Variants in TENM4 observed in about 807,000 individuals in gnomAD.
TENM4 encodes teneurin transmembrane protein 4.
In TENM4, 82 loss-of-function variants were observed where a neutral mutation model predicts 243.3. The ratio of observed to expected loss-of-function variants is 0.34; its 90% CI spans 0.28 to 0.40. The LOEUF is 0.40. TENM4 is among the 10% of genes least tolerant of loss of function. The probability of loss-of-function intolerance (pLI) is 1.00; values close to 1 mark genes in which losing one functional copy is unlikely to be tolerated. For synonymous variants in TENM4, 1,412 were observed against 1,456.3 expected, an observed-to-expected ratio of 0.97 and a Z score of 0.69; for missense variants, 3,138 against 3,673.3, an observed-to-expected ratio of 0.85 and a Z score of 3.77.
At chr11:79,259,594 C>T (rs892679769) in intron 2 of TENM4, among the ~76,000 whole-genome samples, 3 of 151,522 alleles carry the variant, frequency 2.0e-5, no homozygotes, top group African/African-American at 7.3e-5. Flanking sequence ...TCCACTCATC[C>T]ATCCACCTAT....
intron 6 of TENM4, among the ~76,000 whole-genome samples, chr11:79,032,904 C>G (rs1374456898): frequency 6.6e-6 from 1 of 152,120 alleles, no homozygotes; most frequent in Non-Finnish European, 1.5e-5. Context: ...AGTTGTTATT[C>G]ACTTGTCCAG....
In TENM4 at chr11:79,440,856, T is replaced by C. The variant is rs1365311994; in HGVS notation, c.-668A>G. The C allele has an allele frequency of 4.1e-5, 5 of 122,052 alleles. No individual in the cohort carries two copies. The highest frequency in any genetic ancestry group is 2.7e-4 in the South Asian group (1 of 3,644). 7.6% of individuals were successfully genotyped at this position (122,052 alleles called of 1,614,324 possible). ...TGGGGCGGGTGTGTGCGCGCGCGTG[T>C]GTGAGTGTGTGTGTGTGTGTGTGTG... On this transcript the variant is annotated 5_prime_UTR_variant, in exon 1 of 34. Transcript: ENST00000278550. The surrounding 1 kb of genome is among the most constrained non-coding windows in gnomAD (Gnocchi z 4.7).
chr11:78,766,845 G>C (rs141134274), intron 18 of TENM4, among the ~76,000 whole-genome samples: 1,909 of 151,740 alleles, frequency 0.013, 49 homozygotes, highest in African/African-American at 0.044. Context: ...TGGGATTACA[G>C]GTGCGCCCCA....
At chr11:79,191,731 G>T in intron 3 of TENM4, 1 of 183,944 alleles carries the variant, frequency 5.4e-6, no homozygotes, top group Non-Finnish European at 1.1e-5. Flanking sequence ...GAGCGCCTCT[G>T]CCCCGCCGCC....
intron 1 of TENM4, among the ~76,000 whole-genome samples, chr11:79,352,291 A>C: frequency 6.6e-6 from 1 of 152,232 alleles, no homozygotes; most frequent in East Asian, 1.9e-4. Context: ...ACTGCCAGCC[A>C]GCTCTTGGTT....
chr11:78,911,292 G>A (rs1462992217), intron 6 of TENM4, among the ~76,000 whole-genome samples: 1 of 152,194 alleles, frequency 6.6e-6, no homozygotes, highest in Non-Finnish European at 1.5e-5. Context: ...TCCAGTTACA[G>A]TAGGATGGGT....
intron 6 of TENM4, among the ~76,000 whole-genome samples, chr11:78,905,123 A>T (rs1856034671): frequency 6.6e-6 from 1 of 152,228 alleles, no homozygotes; most frequent in Non-Finnish European, 1.5e-5. Flanking sequence ...AATTGGTAGG[A>T]AATAAATATT....
chr11:78,712,274 C>G (rs1015717307), intron 26 of TENM4, among the ~76,000 whole-genome samples: 2 of 152,122 alleles, frequency 1.3e-5, no homozygotes, highest in Non-Finnish European at 2.9e-5. Context: ...TACATACACA[C>G]AAACACTTTG....
chr11:78,740,917 T>C (rs768464225), intron 19 of TENM4, among the ~76,000 whole-genome samples: 6 of 152,224 alleles, frequency 3.9e-5, no homozygotes, highest in Non-Finnish European at 1.5e-5. Context: ...CCAGAGCAGA[T>C]GCAAGTTTAG....
intron 6 of TENM4, among the ~76,000 whole-genome samples, chr11:78,920,758 T>C (rs1320618105): frequency 6.6e-6 from 1 of 152,222 alleles, no homozygotes; most frequent in African/African-American, 2.4e-5. Context: ...TTTTAATGTG[T>C]CCATTCTCTT....
intron 1 of TENM4, among the ~76,000 whole-genome samples, chr11:79,298,249 T>A (rs569786722): frequency 6.6e-6 from 1 of 152,112 alleles, no homozygotes; most frequent in East Asian, 1.9e-4. Flanking sequence ...TTACCTCATA[T>A]GAAAAACAGG....
At chr11:79,014,712 C>T (rs1343205724) in intron 6 of TENM4, 1 of 152,130 alleles carries the variant, frequency 6.6e-6, no homozygotes, top group African/African-American at 2.4e-5. Context: ...TTTCACTTGC[C>T]GTTTGCAAAT....
chr11:78,898,523 G>GCCGCTAGGC (rs1447598392), intron 7 of TENM4, among the ~76,000 whole-genome samples: 2 of 152,286 alleles, frequency 1.3e-5, no homozygotes, highest in East Asian at 3.9e-4. Flanking sequence ...GCTCTGTTGG[G>GCCGCTAGGC]CCGCTAGGCC....
intron 7 of TENM4, among the ~76,000 whole-genome samples, chr11:78,894,952 C>T (rs990310613): frequency 1.4e-5 from 2 of 142,270 alleles, no homozygotes; most frequent in African/African-American, 5.2e-5. Context: ...CCTCTGCACT[C>T]CAGTCCGGTC....
chr11:78,983,700 G>C (rs1283601066), intron 6 of TENM4, among the ~76,000 whole-genome samples: 3 of 151,584 alleles, frequency 2.0e-5, no homozygotes, highest in African/African-American at 7.3e-5. Context: ...ACTGTGGAGA[G>C]GAATCAGAAG....
At chr11:79,038,198 G>T (rs1859435436) in intron 6 of TENM4, among the ~76,000 whole-genome samples, 1 of 152,238 alleles carries the variant, frequency 6.6e-6, no homozygotes, top group African/African-American at 2.4e-5. Context: ...CTGGGTGAAT[G>T]AATGGATACA....
At chr11:78,756,691 T>C (rs1856313794) in intron 19 of TENM4, 114 bp downstream of exon 19, 1 of 975,556 alleles carries the variant, frequency 1.0e-6, no homozygotes, top group Non-Finnish European at 1.5e-6. Context: ...TCAGGAACCA[T>C]GGATGCTCTC....
At chr11:78,833,781 C>T (rs546429975) in intron 12 of TENM4, among the ~76,000 whole-genome samples, 12 of 151,600 alleles carry the variant, frequency 7.9e-5, no homozygotes, top group Admixed American at 3.3e-4. Context: ...GCATGGCTGA[C>T]GTTATCTTTC....
chr11:79,073,111 T>C (rs1423906909), intron 4 of TENM4, among the ~76,000 whole-genome samples: 1 of 152,206 alleles, frequency 6.6e-6, no homozygotes, highest in Non-Finnish European at 1.5e-5. Flanking sequence ...ATCCTGAGGT[T>C]GAACTCAGCA....
Sources: allele counts gnomAD v4.1 joint callset (sites outside exome capture counted in the v4.1 genomes callset), GRCh38; gene constraint gnomAD v4.1.1; non-coding constraint Gnocchi (gnomAD v3.1); transcripts MANE v1.5; gene names NCBI Gene and HGNC (gene_info 2026-07-23, HGNC 2026-07-21).